TMEM232: variants seen among roughly 807,000 people sequenced by gnomAD.
TMEM232 encodes transmembrane protein 232.
A neutral mutation model predicts 78.8 loss-of-function variants in TMEM232; 80 were observed. The ratio of observed to expected loss-of-function variants is 1.01; its 90% confidence interval spans 0.85 to 1.22. The LOEUF (loss-of-function observed/expected upper bound fraction) is 1.22, where lower values mean the gene tolerates loss of function less well. Among genes scored for constraint, TMEM232 ranks in the 50% most tolerant of loss-of-function variants. The probability of loss-of-function intolerance (pLI) is 0.00; values close to 1 mark genes in which losing one functional copy is unlikely to be tolerated. For missense variants in TMEM232, 881 were observed against 742.2 expected (o/e 1.19, Z -2.17); for synonymous variants, 297 against 254.3 (o/e 1.17, Z -1.60).
At chr5:110,591,866 T>C (rs763467759) in intron 10 of TMEM232, among the ~76,000 whole-genome samples, 1 of 152,140 alleles carries the variant, frequency 6.6e-6, no homozygotes, top group Non-Finnish European at 1.5e-5. Flanking sequence ...CTCCAGATTA[T>C]TTATATCACT....
intron 7 of TMEM232, among the ~76,000 whole-genome samples, chr5:110,623,690 C>G (rs968256730): frequency 6.6e-6 from 1 of 152,012 alleles, no homozygotes; most frequent in African/African-American, 2.4e-5. Flanking sequence ...TTAGCCAAAT[C>G]AGTAATTTTA....
chr5:110,640,763 G>A (rs1786567154), intron 4 of TMEM232, 128 bp downstream of exon 4: 2 of 477,720 alleles, frequency 4.2e-6, no homozygotes, highest in Non-Finnish European at 3.6e-6. Context: ...ATAATAAAAT[G>A]TATTTTGATA....
chr5:110,652,291 C>CGT (rs1788428098), intron 2 of TMEM232, among the ~76,000 whole-genome samples: 3 of 133,192 alleles, frequency 2.3e-5, no homozygotes, highest in East Asian at 2.2e-4. Flanking sequence ...AGTGCACGCG[C>CGT]GCGCACACAC....
Position 110,717,327 on chromosome 5 carries a change from T to C in TMEM232, c.-13+9300A>G, listed in dbSNP as rs1015483408. ...AACAGAGGTCCAAGAATCCAAGATCTGAATGAGTTCAGTTTTAATGACGCC... is the reference window on the plus strand; with the variant it reads ...AACAGAGGTCCAAGAATCCAAGATCCGAATGAGTTCAGTTTTAATGACGCC... On this transcript the variant is annotated intron_variant, in intron 1 of 13. Coordinates refer to ENST00000455884, the MANE Select transcript of TMEM232 (RefSeq NM_001039763.4). 3.3e-5 allele frequency among the ~76,000 whole-genome samples: 5 copies of C among 152,170 alleles called. No individual in the cohort carries two copies. In the East Asian group the frequency reaches 9.6e-4, roughly 29 times the overall value.
chr5:110,663,527 C>A (rs1790090094), intron 2 of TMEM232, among the ~76,000 whole-genome samples: 1 of 150,486 alleles, frequency 6.6e-6, no homozygotes, highest in African/African-American at 2.4e-5. Flanking sequence ...AAGACAATAC[C>A]CATATGAAAA....
At chr5:110,403,434 ATTC>A (rs1338036816) in intron 2 of TMEM232, among the ~76,000 whole-genome samples, 3 of 152,010 alleles carry the variant, frequency 2.0e-5, no homozygotes, top group Non-Finnish European at 2.9e-5. Context: ...GACGTCCCAT[ATTC>A]TTATTTTGAT....
chr5:110,608,026 T>G (rs1781726600), intron 8 of TMEM232, among the ~76,000 whole-genome samples: 1 of 151,962 alleles, frequency 6.6e-6, no homozygotes. Flanking sequence ...GCAATTGTAG[T>G]CAGGTTTCTG....
At chr5:110,588,258 A>C (rs1256709120) in intron 10 of TMEM232, among the ~76,000 whole-genome samples, 1 of 152,194 alleles carries the variant, frequency 6.6e-6, no homozygotes, top group Non-Finnish European at 1.5e-5. Context: ...TTAGAAAATC[A>C]TTCTCAACAA....
chr5:110,705,763 C>CAT (rs1561544911), intron 1 of TMEM232, among the ~76,000 whole-genome samples: 2 of 125,418 alleles, frequency 1.6e-5, no homozygotes, highest in East Asian at 2.2e-4. Context: ...TATGTGTGTG[C>CAT]GTGTGTGTGT....
chr5:110,674,690 A>C (rs1167072853), intron 1 of TMEM232, among the ~76,000 whole-genome samples: 1 of 152,224 alleles, frequency 6.6e-6, no homozygotes, highest in Non-Finnish European at 1.5e-5. Flanking sequence ...TTAATTGACA[A>C]AAAAGAGTCA....
intron 2 of TMEM232, among the ~76,000 whole-genome samples, chr5:110,404,086 C>A (rs1374483399): frequency 2.6e-5 from 4 of 151,986 alleles, no homozygotes; most frequent in Non-Finnish European, 5.9e-5. Flanking sequence ...CACAGGATGC[C>A]TGCACCCTCT....
chr5:110,685,949 A>G (rs1039421547), intron 1 of TMEM232, among the ~76,000 whole-genome samples: 4 of 152,134 alleles, frequency 2.6e-5, no homozygotes, highest in African/African-American at 7.2e-5. Flanking sequence ...AGACAAAACT[A>G]CTGCATGGTG....
chr5:110,575,422 A>G (rs1456455230), intron 10 of TMEM232, among the ~76,000 whole-genome samples: 3 of 152,038 alleles, frequency 2.0e-5, no homozygotes, highest in Non-Finnish European at 4.4e-5. Flanking sequence ...GTAGATGAAT[A>G]ATGAAGACAC....
chr5:110,673,546 T>C (rs569972246), intron 1 of TMEM232, among the ~76,000 whole-genome samples: 1 of 152,310 alleles, frequency 6.6e-6, no homozygotes, highest in South Asian at 2.1e-4. Flanking sequence ...AAACATCTAC[T>C]AGGAAAAACT....
In TMEM232 at chr5:110,406,449, T is replaced by C. The variant is rs1313349620; in HGVS notation, n.309-8595A>G. On this transcript the variant is annotated intron_variant and non_coding_transcript_variant, in intron 2 of 8. Coordinates refer to the TMEM232 transcript ENST00000507188. ...CTTTAATATATGGATTTCTCTTCCTTTGAATAAATATCCAATTACTGATTC... is the reference window on the plus strand; with the variant it reads ...CTTTAATATATGGATTTCTCTTCCTCTGAATAAATATCCAATTACTGATTC... Among the ~76,000 whole-genome samples the C allele has an allele frequency of 2.0e-5, 3 of 152,018 alleles. No homozygotes were observed. The East Asian group carries it at 5.8e-4, about 29-fold the overall frequency.
At chr5:110,550,603 G>A (rs1167039686) in intron 11 of TMEM232, among the ~76,000 whole-genome samples, 1 of 151,658 alleles carries the variant, frequency 6.6e-6, no homozygotes, top group Non-Finnish European at 1.5e-5. Flanking sequence ...GCATATATTT[G>A]TAAGCATATG....
intron 5 of TMEM232, among the ~76,000 whole-genome samples, chr5:110,630,296 T>C (rs7733561): frequency 0.23 from 34,614 of 152,072 alleles, 6,043 homozygotes; most frequent in African/African-American, 0.49. Flanking sequence ...GAAAGAAGAA[T>C]CAAAATTATG....
intron 5 of TMEM232, among the ~76,000 whole-genome samples, chr5:110,634,089 TA>T (rs1360892493): frequency 6.6e-6 from 1 of 151,946 alleles, no homozygotes; most frequent in African/African-American, 2.4e-5. Context: ...AAAAAGGTTT[TA>T]AAAAAAGGCA....
At chr5:110,508,600 G>T (rs1409965696) in intron 12 of TMEM232, among the ~76,000 whole-genome samples, 1 of 150,494 alleles carries the variant, frequency 6.6e-6, no homozygotes, top group Admixed American at 6.6e-5. Flanking sequence ...AGTGCCTCAA[G>T]CCTGCTTAGA....
Sources: gnomAD v4.1 joint callset for allele counts (sites outside exome capture counted in the v4.1 genomes callset) on GRCh38, gnomAD v4.1.1 for gene constraint, MANE v1.5 for transcripts, NCBI Gene and HGNC (gene_info 2026-07-23, HGNC 2026-07-21) for gene names.